Variants in DOCK7 observed in about 807,000 individuals in gnomAD.
DOCK7 encodes the protein dedicator of cytokinesis protein 7.
A neutral mutation model predicts 271.0 loss-of-function variants in DOCK7; 138 were observed. The ratio of observed to expected loss-of-function variants is 0.51; its 90% CI spans 0.44 to 0.59. The LOEUF (loss-of-function observed/expected upper bound fraction) is 0.59. DOCK7 is among the 20% of genes least tolerant of loss of function. The pLI is 0.00. For synonymous variants in DOCK7, 823 were observed against 876.1 expected (o/e 0.94, Z 1.07); for missense variants, 2,066 against 2,592.4 (o/e 0.80, Z 4.41).
chr1:62,476,804 A>C (rs1645981585), intron 44 of DOCK7, among the ~76,000 whole-genome samples: 1 of 152,190 alleles, frequency 6.6e-6, no homozygotes, highest in Non-Finnish European at 1.5e-5. Context: ...TCCCAAAGGT[A>C]ATTTTTATAA....
chr1:62,598,569 G>A, intron 14 of DOCK7: 1 of 664,284 alleles, frequency 1.5e-6, no homozygotes, highest in Non-Finnish European at 2.7e-6. Flanking sequence ...ACAAGGGGAA[G>A]GAATTGCCAA....
rs972130036 is a variant in DOCK7, at chr1:62,495,334, G to A, written c.5024+247C>T. The A allele has an allele frequency of 2.0e-5, 5 of 255,988 alleles. No individual in the cohort carries two copies. The Admixed American group carries it at 2.7e-4, about 14-fold the overall frequency. The allele number at this position is 255,988 out of a possible 1,614,324, so 15.9% of individuals were successfully genotyped here. A position where few individuals can be genotyped will look rare whatever the true frequency, so the allele number is the denominator to read the frequency against. ...AGGCCAGGTGCGGTGGCTCACGTCTGTAATCCCAGAACTTTGGGAGGCCAA... is the reference window on the plus strand; with the variant it reads ...AGGCCAGGTGCGGTGGCTCACGTCTATAATCCCAGAACTTTGGGAGGCCAA... On this transcript the variant is annotated intron_variant, in intron 39 of 49. Transcript: ENST00000635253.
chr1:62,601,679 CA>C (rs1470221895), intron 14 of DOCK7: 2 of 939,434 alleles, frequency 2.1e-6, no homozygotes, highest in Non-Finnish European at 3.3e-6. Context: ...ACATTTGCCA[CA>C]ACTTCATAAA....
At chr1:62,602,188 C>A (rs1650222831) in intron 14 of DOCK7, 3 of 1,007,836 alleles carry the variant, frequency 3.0e-6, no homozygotes, top group African/African-American at 3.2e-5. Flanking sequence ...AACTACCTTA[C>A]AAAACCACCA....
chr1:62,517,540 A>T (rs888849789), intron 31 of DOCK7, among the ~76,000 whole-genome samples: 1 of 152,162 alleles, frequency 6.6e-6, no homozygotes, highest in Non-Finnish European at 1.5e-5. Context: ...GGTTGCAGTG[A>T]GCCGAGATTG....
chr1:62,476,105 A>G lies in DOCK7; in HGVS notation c.5686T>C (p.Ser1896Pro). Residue 1896 changes from serine (S) to proline (P), a missense_variant, in exon 45 of 50, where the codon TCT becomes CCT. Around this residue, in one of 2 missense-constraint regions of DOCK7, gnomAD observed 652 missense variants for 922.1 expected, o/e 0.71. Transcript: ENST00000635253. Reference protein sequence around the residue: ...GEDVVEVIKDSNPVDKCKLDP... With the variant: ...GEDVVEVIKDPNPVDKCKLDP... ...AATTTACACTTGTCTACAGGATTAG[A>G]GTCTTTGATTACTTCAACCACATCC... The G allele has an allele frequency of 1.2e-6, 2 of 1,613,486 alleles. No individual in the cohort carries two copies. The highest frequency in any genetic ancestry group is 1.7e-6 in the Non-Finnish European group (2 of 1,179,676).
At chr1:62,627,484 A>T (rs541068894) in intron 11 of DOCK7, 3 of 152,296 alleles carry the variant, frequency 2.0e-5, no homozygotes, top group East Asian at 1.9e-4. Context: ...AATCCTAAAA[A>T]ATCTGGGGAA....
chr1:62,597,797 A>G (rs1156523401), intron 14 of DOCK7: 1 of 1,613,524 alleles, frequency 6.2e-7, no homozygotes, highest in Non-Finnish European at 8.5e-7. Flanking sequence ...AACTCAACAT[A>G]TTTGATCAGT....
chr1:62,553,312 TTATATATATATA>T (rs1370176103), intron 21 of DOCK7, among the ~76,000 whole-genome samples: 8 of 20,580 alleles, frequency 3.9e-4, no homozygotes, highest in Admixed American at 1.5e-3. Flanking sequence ...AAAAAGTATT[TTATATATATATA>T]TATATATATA....
chr1:62,644,837 A>G (rs554590433), intron 7 of DOCK7, among the ~76,000 whole-genome samples: 1 of 152,332 alleles, frequency 6.6e-6, no homozygotes, highest in African/African-American at 2.4e-5. Flanking sequence ...TTCTTATCAT[A>G]GACAAATCAG....
chr1:62,541,224 C>G (rs1403784129), intron 25 of DOCK7, among the ~76,000 whole-genome samples: 1 of 151,916 alleles, frequency 6.6e-6, no homozygotes, highest in South Asian at 2.1e-4. Context: ...CTGCTACCTA[C>G]AAGCTGTGCA....
At chr1:62,472,271 A>G (rs1045615293) in intron 48 of DOCK7, among the ~76,000 whole-genome samples, 2 of 151,898 alleles carry the variant, frequency 1.3e-5, no homozygotes, top group Admixed American at 6.6e-5. Context: ...TGCTCGGCTA[A>G]TTTTTGTATT....
chr1:62,653,829 C>T (rs200264254), intron 3 of DOCK7, 36 bp from the exon 4 acceptor site: 21 of 1,473,560 alleles, frequency 1.4e-5, no homozygotes, highest in African/African-American at 2.8e-5. Context: ...GTAATTTAGA[C>T]GGGACAGCAC....
intron 7 of DOCK7, among the ~76,000 whole-genome samples, chr1:62,646,074 G>T (rs1656610694): frequency 6.6e-6 from 1 of 151,704 alleles, no homozygotes; most frequent in African/African-American, 2.4e-5. Context: ...TTGAACCCGG[G>T]AGGCGGAGGT....
In DOCK7 at chr1:62,686,034, T is replaced by C. The variant is rs145986035; in HGVS notation, c.38+2193A>G. Among the ~76,000 whole-genome samples the C allele has an allele frequency of 1.8e-3, 271 of 152,366 alleles. 2 individuals carry two copies. The highest frequency in any genetic ancestry group is 5.8e-3 in the African/African-American group (243 of 41,578). ...CCCATCTGGTGGCGAACTCCACTAATAGACATACAATTTCATATCCAACTC... is the reference window on the plus strand; with the variant it reads ...CCCATCTGGTGGCGAACTCCACTAACAGACATACAATTTCATATCCAACTC... On this transcript the variant is annotated intron_variant, in intron 1 of 49. Transcript: ENST00000635253.
intron 33 of DOCK7, among the ~76,000 whole-genome samples, chr1:62,511,555 A>G (rs868863641): frequency 7.9e-5 from 12 of 152,280 alleles, no homozygotes; most frequent in African/African-American, 2.6e-4. Flanking sequence ...AATTTTTAAA[A>G]ATACTGAAAA....
Position 62,547,415 on chromosome 1 carries a change from G to GT in DOCK7, c.2767-2377dup, listed in dbSNP as rs547898052. Among the ~76,000 whole-genome samples the GT allele has an allele frequency of 2.8e-4, 42 of 151,840 alleles. 1 individual carries two copies. The highest frequency in any genetic ancestry group is 2.3e-3 in the South Asian group (11 of 4,806). On this transcript the variant is annotated intron_variant, in intron 22 of 49. Transcript: ENST00000635253. ...GTGCCCACGTGTATGTAAGTGTGAGGTTTTTTTTGCCAAATCCCAGTAACA... is the reference window on the plus strand; with the variant it reads ...GTGCCCACGTGTATGTAAGTGTGAGGTTTTTTTTTGCCAAATCCCAGTAACA...
intron 14 of DOCK7, among the ~76,000 whole-genome samples, chr1:62,602,840 AAATAT>A (rs1218271065): frequency 1.3e-5 from 2 of 151,646 alleles, no homozygotes; most frequent in South Asian, 2.1e-4. Context: ...TCAATTATTT[AAATAT>A]AATATATAGA....
At chr1:62,663,442 T>C (rs1193608487) in intron 1 of DOCK7, among the ~76,000 whole-genome samples, 3 of 152,128 alleles carry the variant, frequency 2.0e-5, no homozygotes, top group Admixed American at 1.3e-4. Context: ...GGCTCTGTAG[T>C]TGGGAGCTAT....
Sources: gnomAD v4.1 joint callset for allele counts (sites outside exome capture counted in the v4.1 genomes callset) on GRCh38, gnomAD v4.1.1 for gene constraint, gnomAD v4.1.1 regional missense constraint, MANE v1.5 for transcripts, NCBI Gene and HGNC (gene_info 2026-07-23, HGNC 2026-07-21) for gene names.